CEP104: variants seen among roughly 807,000 people sequenced by gnomAD.
The protein encoded by CEP104 is centrosomal protein of 104 kDa.
Under a neutral mutation model 113.3 loss-of-function variants are expected in CEP104, and 84 were observed. The observed-to-expected ratio is 0.74, with a 90% CI of 0.62 to 0.89. CEP104 has a LOEUF of 0.89. Among genes scored for constraint, CEP104 ranks in the 40% least tolerant of loss-of-function variants. The pLI, the probability that CEP104 is intolerant of heterozygous loss-of-function variation, is 0.00. For missense variants in CEP104, 1,053 were observed against 1,156.6 expected (o/e 0.91, Z 1.30); for synonymous variants, 378 against 421.7 (o/e 0.90, Z 1.27).
chr1:3,812,201 A>G lies in CEP104; in HGVS notation c.*3201T>C, dbSNP rs1445485138. On this transcript the variant is annotated 3_prime_UTR_variant, in exon 22 of 22. Coordinates refer to ENST00000378230, the MANE Select transcript of CEP104 (RefSeq NM_014704.4). Reference sequence around the variant, plus strand: ...TGTAATTCTGGTACTTGAAATAAAGACAAATAGAAAACTATGTTAAAATAT... The same window carrying G: ...TGTAATTCTGGTACTTGAAATAAAGGCAAATAGAAAACTATGTTAAAATAT... 2 of 152,234 alleles carry G rather than the reference A, an allele frequency of 1.3e-5. No homozygotes were observed. The highest frequency in any genetic ancestry group is 4.8e-5 in the African/African-American group (2 of 41,472). 9.4% of individuals were successfully genotyped at this position (152,234 alleles called of 1,614,324 possible).
chr1:3,839,693 A>C lies in CEP104; in HGVS notation c.650T>G (p.Leu217Ter). 1 of 1,614,064 alleles carries C rather than the reference A, an allele frequency of 6.2e-7. No homozygotes were observed. Among genetic ancestry groups the C allele is most frequent in the Non-Finnish European group, 8.5e-7 (1 of 1,179,990 alleles). The change falls in exon 7 of 22, where the codon TTA becomes TGA. Residue 217 changes from leucine to a stop codon, truncating the protein, a stop_gained. Transcript: ENST00000378230. LOFTEE classifies it high-confidence loss of function. ...DPEVAQIIRK[L>*]DERKREAVQK... ...GACAGCTTCCCGTTTTCTTTCATCTAATTTTCGTATGATCTGTGCAACTTC... is the reference window on the plus strand; with the variant it reads ...GACAGCTTCCCGTTTTCTTTCATCTCATTTTCGTATGATCTGTGCAACTTC...
intron 2 of CEP104, among the ~76,000 whole-genome samples, chr1:3,849,877 C>A (rs6683156): frequency 2.6e-5 from 4 of 151,736 alleles, no homozygotes; most frequent in African/African-American, 4.8e-5. Flanking sequence ...ACCAAGACAA[C>A]CGGCAAAGCT....
At chr1:3,839,911 C>T (rs1458272765) in intron 6 of CEP104, 135 bp from the exon 7 acceptor site, 11 of 715,484 alleles carry the variant, frequency 1.5e-5, no homozygotes, top group Middle Eastern at 3.4e-4. Flanking sequence ...CATGAGAAAA[C>T]GGGTCTCAGA....
chr1:3,847,429 AAAG>A, intron 4 of CEP104, 43 bp downstream of exon 4: 2 of 1,515,122 alleles, frequency 1.3e-6, no homozygotes, highest in Non-Finnish European at 1.8e-6. Context: ...ATAATCCCAC[AAAG>A]AAGGTAGGGG....
chr1:3,826,576 G>A, intron 16 of CEP104, 132 bp downstream of exon 16: 1 of 1,285,296 alleles, frequency 7.8e-7, no homozygotes, highest in Non-Finnish European at 1.1e-6. Context: ...GATGGCTGAG[G>A]TGCAGCAGGC....
intron 8 of CEP104, 66 bp from the exon 9 acceptor site, chr1:3,837,585 C>T: frequency 7.5e-7 from 1 of 1,334,046 alleles, no homozygotes; most frequent in Non-Finnish European, 1.1e-6. Flanking sequence ...CTATCTCATT[C>T]CTTCAGATGA....
At chr1:3,844,698 C>CAAAAACAAAAAAA (rs771634818) in intron 6 of CEP104, among the ~76,000 whole-genome samples, 2 of 79,732 alleles carry the variant, frequency 2.5e-5, no homozygotes, top group East Asian at 4.8e-4. Context: ...AATTCTGTCT[C>CAAAAACAAAAAAA]AAAAAAAAAG....
intron 13 of CEP104, among the ~76,000 whole-genome samples, chr1:3,830,203 T>C (rs1281357607): frequency 6.6e-6 from 1 of 152,058 alleles, no homozygotes; most frequent in Non-Finnish European, 1.5e-5. Context: ...GTTTTGGATC[T>C]TTTTTAAGAA....
Position 3,826,353 on chromosome 1 carries a change from A to C in CEP104, c.2255+17T>G. 6.2e-7 allele frequency: 1 copy of C among 1,612,196 alleles called. No homozygotes were observed. On this transcript the variant is annotated intron_variant, in intron 17 of 21. Transcript: ENST00000378230. ...GCCCTGACCATCGTACAATGGGTGG[A>C]AGACAGCGCGACTTACTTATCTAGA...
rs1445068165 is a variant in CEP104 at position 3,835,052 on chromosome 1, T to A, written c.1358A>T (p.Asp453Val). 1.9e-6 allele frequency: 3 copies of A among 1,614,018 alleles called. No homozygotes were observed. Among genetic ancestry groups the A allele is most frequent in the Admixed American group, 1.7e-5 (1 of 60,004 alleles). ...AYCKTWSYRE[D>V]ALLALSKKLM... Reference sequence around the variant, plus strand: ...CTTCTTAGACAAGGCAAGCAGTGCATCCTCTCGGTAGGACCACGTCTTACA... The same window carrying A: ...CTTCTTAGACAAGGCAAGCAGTGCAACCTCTCGGTAGGACCACGTCTTACA... Residue 453 changes from aspartate (D) to valine (V), a missense_variant, in exon 11 of 22, where the codon GAT (aspartate) becomes GTT (valine). Physicochemically the swap from Asp to Val is radical, Grantham distance 152. Coordinates refer to ENST00000378230, the MANE Select transcript of CEP104 (RefSeq NM_014704.4).
chr1:3,829,250 C>T lies in CEP104; in HGVS notation c.2151+16G>A, dbSNP rs772315672. 6.4e-5 allele frequency: 98 copies of T among 1,523,454 alleles called. 1 individual carries two copies. Among genetic ancestry groups the T allele is most frequent in the East Asian group, 2.8e-4 (12 of 43,480 alleles). 94.4% of individuals were successfully genotyped at this position (1,523,454 alleles called of 1,614,324 possible). A position where few individuals can be genotyped will look rare whatever the true frequency, so the allele number is the denominator to read the frequency against. On this transcript the variant is annotated intron_variant, in intron 15 of 21. Transcript: ENST00000378230. Reference sequence around the variant, plus strand: ...CAGCTAAAAGCACACAGGTGAAAGACGTGTTAACTTCCAACCTGAACTTCA... The same window carrying T: ...CAGCTAAAAGCACACAGGTGAAAGATGTGTTAACTTCCAACCTGAACTTCA...
intron 2 of CEP104, among the ~76,000 whole-genome samples, chr1:3,850,109 TTTG>T (rs1644582853): frequency 3.3e-5 from 5 of 152,280 alleles, no homozygotes; most frequent in Admixed American, 3.3e-4. Context: ...ACCATCTGGG[TTTG>T]AGGGCACTCT....
At chr1:3,845,463 G>GT (rs1393425648) in intron 4 of CEP104, 112 bp from the exon 5 acceptor site, 14 of 817,694 alleles carry the variant, frequency 1.7e-5, no homozygotes, top group Non-Finnish European at 2.6e-5. Context: ...CTGGAGTGCA[G>GT]TGGTGTGATC....
chr1:3,831,035 G>A lies in CEP104; in HGVS notation c.1836+11C>T. ...GGGCCGCGTGGTGTGTCACACGCGA[G>A]GTCTGCTTACCTTCATCACGTTGTC... On this transcript the variant is annotated intron_variant, in intron 13 of 21. Transcript: ENST00000378230. 2 of 1,610,494 alleles carry A rather than the reference G, an allele frequency of 1.2e-6. No homozygotes were observed.
At position 3,816,416 on chromosome 1, in the gene CEP104, C is replaced by T. The variant is rs188855232; in HGVS notation, c.2572-46G>A. ...AGAGTGTTAATCAGGCGAGACGGAC[C>T]TGGCACGCTACCTGAGACCCAAAAG... is the stretch of plus-strand genomic sequence containing the variant. On this transcript the variant is annotated intron_variant, in intron 20 of 21. Transcript: ENST00000378230. 3.0e-4 allele frequency: 440 copies of T among 1,461,354 alleles called. 2 individuals carry two copies. In the East Asian group the frequency reaches 9.0e-3, roughly 30 times the overall value. The allele number at this position is 1,461,354 out of a possible 1,614,324, so 90.5% of individuals were successfully genotyped here.
rs1378214984 is a variant in CEP104 at position 3,823,624 on chromosome 1, C to T, written c.2365-62G>A. On this transcript the variant is annotated intron_variant, in intron 18 of 21. Coordinates refer to ENST00000378230, the MANE Select transcript of CEP104 (RefSeq NM_014704.4). This position sits in a 1 kb window ranked among gnomAD's most constrained non-coding sequence, Gnocchi z 4.1. ...GAAAGCGGCAGCGCCCTCCAGCCAG[C>T]CTGCAGAGCCTGTGAGCGCCTCCCC... 1.9e-6 allele frequency: 3 copies of T among 1,606,442 alleles called. No homozygotes were observed. The Admixed American group carries it at 5.0e-5, about 27-fold the overall frequency.
chr1:3,821,815 G>C (rs1451915551), intron 20 of CEP104, among the ~76,000 whole-genome samples: 1 of 152,248 alleles, frequency 6.6e-6, no homozygotes, highest in East Asian at 1.9e-4. Flanking sequence ...GGGGCAAACA[G>C]CTCCTTCCTT....
chr1:3,843,200 A>C (rs930984537), intron 6 of CEP104: 24 of 712,976 alleles, frequency 3.4e-5, no homozygotes, highest in African/African-American at 3.2e-4. Context: ...TGTCATCCAC[A>C]GCAGGCAGGT....
chr1:3,830,072 T>C, intron 13 of CEP104, 75 bp from the exon 14 acceptor site: 4 of 1,057,308 alleles, frequency 3.8e-6, no homozygotes, highest in East Asian at 2.4e-5. Context: ...AAAAGGTACA[T>C]TATAAACATG....
Sources: gnomAD v4.1 joint callset for allele counts (sites outside exome capture counted in the v4.1 genomes callset) on GRCh38, gnomAD v4.1.1 for gene constraint, Gnocchi (gnomAD v3.1) non-coding constraint, MANE v1.5 for transcripts, NCBI Gene and HGNC (gene_info 2026-07-23, HGNC 2026-07-21) for gene names.